Variants in MIR2052HG observed in about 807,000 individuals in gnomAD.
The protein encoded by MIR2052HG is MIR2052 host gene.
intron 4 of MIR2052HG, among the ~76,000 whole-genome samples, chr8:74,712,929 A>G (rs1041577560): frequency 4.6e-5 from 7 of 152,178 alleles, no homozygotes; most frequent in African/African-American, 1.7e-4. Context: ...TGCAGATAGG[A>G]AATGAAATAA....
chr8:74,720,532 TA>T (rs1331721502), intron 4 of MIR2052HG, among the ~76,000 whole-genome samples: 1 of 152,232 alleles, frequency 6.6e-6, no homozygotes, highest in African/African-American at 2.4e-5. Flanking sequence ...CAATTATCTC[TA>T]GCTTTTCAGC....
At chr8:74,615,763 C>T (rs529879320) in intron 2 of MIR2052HG, among the ~76,000 whole-genome samples, 1 of 151,970 alleles carries the variant, frequency 6.6e-6, no homozygotes, top group East Asian at 1.9e-4. Flanking sequence ...CTTCCCCACT[C>T]CCCCCACCCC....
intron 4 of MIR2052HG, among the ~76,000 whole-genome samples, chr8:74,730,629 G>A (rs1290470340): frequency 2.0e-5 from 3 of 152,164 alleles, no homozygotes; most frequent in Non-Finnish European, 4.4e-5. Context: ...TGTGTGGGTA[G>A]GAGTAGATAT....
At chr8:74,738,133 G>C (rs2651665) in intron 4 of MIR2052HG, among the ~76,000 whole-genome samples, 21,936 of 149,500 alleles carry the variant, frequency 0.15, 3,313 homozygotes, top group African/African-American at 0.39. Context: ...ATGTATGTAT[G>C]TATCTATCTA....
intron 2 of MIR2052HG, among the ~76,000 whole-genome samples, chr8:74,675,266 A>G (rs990175788): frequency 6.6e-6 from 1 of 152,036 alleles, no homozygotes; most frequent in African/African-American, 2.4e-5. Flanking sequence ...CCAATCACCA[A>G]TCAGAAATGT....
At chr8:74,748,722 A>G (rs747877825) in intron 4 of MIR2052HG, among the ~76,000 whole-genome samples, 8 of 152,228 alleles carry the variant, frequency 5.3e-5, no homozygotes, top group Non-Finnish European at 8.8e-5. Context: ...TCCTGTCTCT[A>G]TTGTTTGGCT....
chr8:74,648,001 T>C (rs184450628), intron 2 of MIR2052HG, among the ~76,000 whole-genome samples: 50 of 152,208 alleles, frequency 3.3e-4, no homozygotes, highest in Non-Finnish European at 4.9e-4. Context: ...GTTTGAACAA[T>C]ATGAAATCAG....
intron 2 of MIR2052HG, among the ~76,000 whole-genome samples, chr8:74,689,445 G>A (rs1364642558): frequency 6.6e-6 from 1 of 151,988 alleles, no homozygotes; most frequent in Admixed American, 6.6e-5. Flanking sequence ...GTTCATTTTG[G>A]TTACCAATAA....
intron 2 of MIR2052HG, among the ~76,000 whole-genome samples, chr8:74,669,909 A>C (rs767632836): frequency 1.1e-4 from 17 of 151,974 alleles, no homozygotes; most frequent in Non-Finnish European, 2.4e-4. Flanking sequence ...TCATGTTGAA[A>C]CTCTGACTCC....
intron 2 of MIR2052HG, among the ~76,000 whole-genome samples, chr8:74,639,401 C>A (rs1300543582): frequency 6.6e-6 from 1 of 152,174 alleles, no homozygotes; most frequent in East Asian, 1.9e-4. Context: ...TTCCTTTCAT[C>A]ATTTGGGCAT....
chr8:74,730,335 A>G (rs531855368), intron 4 of MIR2052HG, among the ~76,000 whole-genome samples: 6 of 152,328 alleles, frequency 3.9e-5, no homozygotes, highest in African/African-American at 1.2e-4. Flanking sequence ...TCTCTTTGCT[A>G]TAACAACTTA....
intron 4 of MIR2052HG, among the ~76,000 whole-genome samples, chr8:74,719,849 C>A (rs113950301): frequency 9.4e-6 from 1 of 106,736 alleles, no homozygotes; most frequent in Non-Finnish European, 1.8e-5. Context: ...TTTCTTTTTT[C>A]TTTTTTTTTT....
intron 2 of MIR2052HG, among the ~76,000 whole-genome samples, chr8:74,692,160 AG>A: frequency 6.6e-6 from 1 of 152,170 alleles, no homozygotes; most frequent in Non-Finnish European, 1.5e-5. Context: ...GTGCAATCTC[AG>A]CTCAATGCAA....
chr8:74,730,306 G>C (rs538486420), intron 4 of MIR2052HG, among the ~76,000 whole-genome samples: 4 of 152,220 alleles, frequency 2.6e-5, no homozygotes, highest in Middle Eastern at 6.8e-3. Flanking sequence ...TTCTGCCACT[G>C]TGACAAAAAG....
At chr8:74,725,328 G>A (rs1809622663) in intron 4 of MIR2052HG, among the ~76,000 whole-genome samples, 1 of 152,186 alleles carries the variant, frequency 6.6e-6, no homozygotes, top group Non-Finnish European at 1.5e-5. Flanking sequence ...TTAGCGTCTA[G>A]GAGTCAGGTG....
At chr8:74,722,569 T>C (rs992778968) in intron 4 of MIR2052HG, among the ~76,000 whole-genome samples, 3 of 152,206 alleles carry the variant, frequency 2.0e-5, no homozygotes, top group African/African-American at 7.2e-5. Context: ...CATAGAAATA[T>C]TTTTGGGTTA....
At chr8:74,623,847 T>A (rs185548226) in intron 2 of MIR2052HG, among the ~76,000 whole-genome samples, 8 of 152,314 alleles carry the variant, frequency 5.3e-5, no homozygotes, top group African/African-American at 1.9e-4. Flanking sequence ...ATAAGGGATA[T>A]TGAACATTGA....
intron 4 of MIR2052HG, among the ~76,000 whole-genome samples, chr8:74,737,549 CT>C (rs1200806290): frequency 6.6e-6 from 1 of 152,170 alleles, no homozygotes; most frequent in Non-Finnish European, 1.5e-5. Context: ...ACAACACCTC[CT>C]GCTATTTACT....
At chr8:74,607,571 C>T (rs1179403873) in intron 1 of MIR2052HG, among the ~76,000 whole-genome samples, 1 of 152,122 alleles carries the variant, frequency 6.6e-6, no homozygotes, top group African/African-American at 2.4e-5. Context: ...AAGATCATGC[C>T]ATTGCTCTCC....
Sources: allele counts gnomAD v4.1 joint callset (sites outside exome capture counted in the v4.1 genomes callset), GRCh38; gene constraint gnomAD v4.1.1; transcripts MANE v1.5; gene names NCBI Gene and HGNC (gene_info 2026-07-23, HGNC 2026-07-21).